The following DCC variants were observed in gnomAD, a reference collection of about 807,000 sequenced individuals.
The protein encoded by DCC is netrin receptor DCC.
In DCC, 58 loss-of-function variants were observed where a neutral mutation model predicts 172.5. The ratio of observed to expected loss-of-function variants is 0.34; its 90% CI spans 0.27 to 0.42. The LOEUF (loss-of-function observed/expected upper bound fraction) is 0.42, where lower values mean the gene tolerates loss of function less well. Ranked by LOEUF, DCC falls within the 10% of genes least tolerant of loss-of-function variation. The pLI is 1.00. For missense variants in DCC, 1,740 were observed against 1,791.0 expected, an observed-to-expected ratio of 0.97 and a Z score of 0.51; for synonymous variants, 709 against 644.5, an observed-to-expected ratio of 1.10 and a Z score of -1.52.
chr18:53,097,677 G>T lies in DCC; in HGVS notation c.1261+31511G>T, dbSNP rs560341666. Among the ~76,000 whole-genome samples the T allele has an allele frequency of 2.0e-5, 3 of 152,218 alleles. No homozygotes were observed. The East Asian group carries it at 5.8e-4, about 29-fold the overall frequency. Reference sequence around the variant, plus strand: ...TAACTTTAACAACAGACACTTATTTGCTCACAGTTCTGGAGGTTAGAAGTC... The same window carrying T: ...TAACTTTAACAACAGACACTTATTTTCTCACAGTTCTGGAGGTTAGAAGTC... On this transcript the variant is annotated intron_variant, in intron 7 of 28. Coordinates refer to ENST00000442544, the MANE Select transcript of DCC (RefSeq NM_005215.4).
At chr18:52,529,086 T>C (rs943839620) in intron 1 of DCC, among the ~76,000 whole-genome samples, 10 of 152,164 alleles carry the variant, frequency 6.6e-5, no homozygotes, top group Admixed American at 6.5e-4. Context: ...CGTAGGCCAA[T>C]ATTCCAGTAC....
At position 53,108,683 on chromosome 18, in the gene DCC, A is replaced by G. The variant is rs199539194; in HGVS notation, c.1261+42517A>G. Reference sequence around the variant, plus strand: ...TTGAATTATATATGAATGGAATCCCACCATGTATATTATTTTGTGTCTAGC... The same window carrying G: ...TTGAATTATATATGAATGGAATCCCGCCATGTATATTATTTTGTGTCTAGC... On this transcript the variant is annotated intron_variant, in intron 7 of 28. Coordinates refer to ENST00000442544, the MANE Select transcript of DCC (RefSeq NM_005215.4). 9.2e-5 allele frequency among the ~76,000 whole-genome samples: 14 copies of G among 151,738 alleles called. No individual in the cohort carries two copies. In the East Asian group the frequency reaches 2.3e-3, roughly 25 times the overall value.
In DCC at chr18:53,302,102, T is replaced by C. The variant is rs914777172; in HGVS notation, c.1912-3476T>C. Among the ~76,000 whole-genome samples, 3 of 152,182 alleles carry C rather than the reference T, an allele frequency of 2.0e-5. 1 individual carries two copies. The highest frequency in any genetic ancestry group is 2.4e-5 in the African/African-American group (1 of 41,434). ...TGCATATCTGTGTCCTTATTTTCTT[T>C]TAGAGACACCAATCATGTCATATTT... On this transcript the variant is annotated intron_variant, in intron 12 of 28. Transcript: ENST00000442544.
intron 5 of DCC, among the ~76,000 whole-genome samples, chr18:53,009,267 T>C (rs2041692312): frequency 6.6e-6 from 1 of 151,960 alleles, no homozygotes; most frequent in South Asian, 2.1e-4. Context: ...TTTTATTATT[T>C]TCTGATGCTT....
rs200331597 is a variant in DCC, at chr18:52,980,283, A to AT, written c.985+54922dup. Among the ~76,000 whole-genome samples the AT allele has an allele frequency of 1.0e-3, 154 of 151,292 alleles. 1 individual carries two copies. In the East Asian group the frequency reaches 0.026, roughly 26 times the overall value. Reference sequence around the variant, plus strand: ...TGTGCAATGCATTGAATTTTATTTTATTTTTTTTTAGATTGAATTCAGGTA... The same window carrying AT: ...TGTGCAATGCATTGAATTTTATTTTATTTTTTTTTTAGATTGAATTCAGGTA... On this transcript the variant is annotated intron_variant, in intron 5 of 28. Coordinates refer to ENST00000442544, the MANE Select transcript of DCC (RefSeq NM_005215.4).
At chr18:52,660,423 C>T (rs1016627077) in intron 1 of DCC, among the ~76,000 whole-genome samples, 2 of 152,046 alleles carry the variant, frequency 1.3e-5, no homozygotes, top group African/African-American at 4.8e-5. Context: ...AGCAGAAACA[C>T]CTTTTAATTG....
chr18:52,480,356 C>A (rs1461606200), intron 1 of DCC, among the ~76,000 whole-genome samples: 1 of 152,002 alleles, frequency 6.6e-6, no homozygotes, highest in Non-Finnish European at 1.5e-5. Context: ...GTGAGACAAA[C>A]AATAGAACTG....
intron 1 of DCC, among the ~76,000 whole-genome samples, chr18:52,613,534 G>C (rs1856848987): frequency 6.6e-6 from 1 of 151,974 alleles, no homozygotes; most frequent in Non-Finnish European, 1.5e-5. Flanking sequence ...GGATTACAGG[G>C]GTGAGCCACC....
Position 52,795,101 on chromosome 18 carries a change from A to G in DCC, c.412+42727A>G, listed in dbSNP as rs186832148. Among the ~76,000 whole-genome samples, 777 of 151,990 alleles carry G rather than the reference A, an allele frequency of 5.1e-3. 8 individuals carry two copies. The highest frequency in any genetic ancestry group is 0.018 in the African/African-American group (746 of 41,506). On this transcript the variant is annotated intron_variant, in intron 2 of 28. Coordinates refer to ENST00000442544, the MANE Select transcript of DCC (RefSeq NM_005215.4). ...GCCTGTAGGTTTTTGTGTTTTTTTA[A>G]AATCTTTGTCTGGTGTTGGTATCAG...
chr18:52,346,489 A>C (rs768808819), intron 1 of DCC, among the ~76,000 whole-genome samples: 1 of 152,222 alleles, frequency 6.6e-6, no homozygotes, highest in African/African-American at 2.4e-5. Flanking sequence ...AAATCCCTTT[A>C]ATTCAACTAT....
At chr18:52,421,722 G>T (rs1987255900) in intron 1 of DCC, among the ~76,000 whole-genome samples, 1 of 152,184 alleles carries the variant, frequency 6.6e-6, no homozygotes, top group African/African-American at 2.4e-5. Context: ...AATTCCCCAG[G>T]TTGGTGGTCT....
chr18:53,181,690 G>C (rs9948554), intron 9 of DCC, among the ~76,000 whole-genome samples: 1 of 152,028 alleles, frequency 6.6e-6, no homozygotes, highest in Non-Finnish European at 1.5e-5. Context: ...CACTGTTCCA[G>C]GCTGCATGAG....
chr18:52,470,636 CAA>C (rs1988919564), intron 1 of DCC, among the ~76,000 whole-genome samples: 1 of 152,138 alleles, frequency 6.6e-6, no homozygotes, highest in African/African-American at 2.4e-5. Flanking sequence ...GGATGACTTT[CAA>C]ATACATAAGT....
chr18:53,282,842 C>T (rs2144731468), intron 12 of DCC, among the ~76,000 whole-genome samples: 1 of 152,162 alleles, frequency 6.6e-6, no homozygotes, highest in South Asian at 2.1e-4. Context: ...AAATGAATGC[C>T]ATTGGGTACC....
intron 1 of DCC, among the ~76,000 whole-genome samples, chr18:52,452,304 C>A (rs1436272711): frequency 6.6e-6 from 1 of 152,334 alleles, no homozygotes. Context: ...CCTACTCTCT[C>A]TATATTTCAT....
intron 7 of DCC, among the ~76,000 whole-genome samples, chr18:53,103,955 A>G (rs1303424332): frequency 6.6e-6 from 1 of 152,018 alleles, no homozygotes; most frequent in Non-Finnish European, 1.5e-5. Flanking sequence ...TGGGGTATAC[A>G]ATTTAAGGGG....
At position 52,718,863 on chromosome 18, in the gene DCC, C is replaced by T. The variant is rs78078408; in HGVS notation, c.92-33191C>T. On this transcript the variant is annotated intron_variant, in intron 1 of 28. Coordinates refer to ENST00000442544, the MANE Select transcript of DCC (RefSeq NM_005215.4). ...TAAAGGTTAAAGAAAAATAGCAATC[C>T]TTTTAGGACACTTGTATTGGTCTTT... Among the ~76,000 whole-genome samples the T allele has an allele frequency of 9.3e-3, 1,416 of 152,242 alleles. 13 individuals carry two copies. The highest frequency in any genetic ancestry group is 0.024 in the Middle Eastern group (7 of 294).
At chr18:53,289,080 C>A (rs190027626) in intron 12 of DCC, among the ~76,000 whole-genome samples, 4 of 152,206 alleles carry the variant, frequency 2.6e-5, no homozygotes, top group Non-Finnish European at 5.9e-5. Flanking sequence ...TCACTGTCAA[C>A]CTGCTGATCA....
At chr18:53,007,161 C>A (rs1434879717) in intron 5 of DCC, among the ~76,000 whole-genome samples, 1 of 152,082 alleles carries the variant, frequency 6.6e-6, no homozygotes, top group Non-Finnish European at 1.5e-5. Context: ...TTGCATCTGG[C>A]CTTATTGGAC....
Sources: gnomAD v4.1 joint callset for allele counts (sites outside exome capture counted in the v4.1 genomes callset) on GRCh38, gnomAD v4.1.1 for gene constraint, MANE v1.5 for transcripts, NCBI Gene and HGNC (gene_info 2026-07-23, HGNC 2026-07-21) for gene names.